Variants in SPATA20 observed in about 807,000 individuals in gnomAD.
The protein encoded by SPATA20 is spermatogenesis associated 20.
SPATA20 carries 74 observed loss-of-function variants against 98.9 expected under a neutral mutation model. The ratio of observed to expected loss-of-function variants is 0.75; its 90% CI spans 0.62 to 0.91. SPATA20 has a LOEUF of 0.91. Among genes scored for constraint, SPATA20 ranks in the 40% least tolerant of loss-of-function variants. SPATA20 has a pLI of 0.00. For synonymous variants in SPATA20, 430 were observed against 440.5 expected (o/e 0.98, Z 0.30); for missense variants, 1,016 against 1,069.8 (o/e 0.95, Z 0.70).
chr17:50,555,665 GCCCCAAC>G lies in SPATA20; in HGVS notation c.*8_*14del. ...TACGAAAACTACTACATCCATGACT[GCCCCAAC>G]CCCCTTGGGGTGGGGCAGAAGGTGA... On this transcript the variant is annotated 3_prime_UTR_variant, in exon 17 of 17. Coordinates refer to ENST00000006658, the MANE Select transcript of SPATA20 (RefSeq NM_022827.4). The G allele has an allele frequency of 6.2e-7, 1 of 1,613,062 alleles. No homozygotes were observed. Among genetic ancestry groups the G allele is most frequent in the Non-Finnish European group, 8.5e-7 (1 of 1,179,618 alleles).
In SPATA20 at chr17:50,551,978, C is replaced by T; in HGVS notation, c.1755C>T (p.Pro585=). ...AATGCCTGTCCCCCAGCAACCCACC[C>T]TGCTGGGGCTTCCTGGAGGACTACG... is the stretch of plus-strand genomic sequence containing the variant. ...PGGTVEHSNP[P]CWGFLEDYAF... Residue 585 remains proline (P), a synonymous_variant, in exon 14 of 17, where the codon CCC becomes CCT. Coordinates refer to ENST00000006658, the MANE Select transcript of SPATA20 (RefSeq NM_022827.4). 1 of 1,599,086 alleles carries T rather than the reference C, an allele frequency of 6.3e-7. No individual in the cohort carries two copies. Among genetic ancestry groups the T allele is most frequent in the Non-Finnish European group, 8.5e-7 (1 of 1,172,512 alleles).
rs1251245889 is a variant in SPATA20, at chr17:50,548,537, C to G, written c.297-17C>G. 1.2e-6 allele frequency: 2 copies of G among 1,613,360 alleles called. No homozygotes were observed. Among genetic ancestry groups the G allele is most frequent in the Non-Finnish European group, 1.7e-6 (2 of 1,179,708 alleles). ...CCCCCTGGGCTACTGAGTGATGCCC[C>G]ACCCTGCTGGGTCTAGGTACCCCTG... On this transcript the variant is annotated splice_polypyrimidine_tract_variant and intron_variant, in intron 3 of 16. Transcript: ENST00000006658.
intron 13 of SPATA20, 121 bp from the exon 14 acceptor site, chr17:50,551,848 C>A: frequency 1.7e-6 from 2 of 1,200,702 alleles, no homozygotes; most frequent in Non-Finnish European, 2.3e-6. Flanking sequence ...GGGCTGATGG[C>A]ACCTGCCCAA....
rs1303842730 is a variant in SPATA20 at position 50,551,194 on chromosome 17, G to A, written c.1576+4G>A. 6.2e-7 allele frequency: 1 copy of A among 1,606,460 alleles called. No homozygotes were observed. Among genetic ancestry groups the A allele is most frequent in the Non-Finnish European group, 8.5e-7 (1 of 1,176,798 alleles). ...AAGATGCTGGCTGCCTGGAATGGTG[G>A]GGCAGCACACCTGAGACCGAGCCTG... On this transcript the variant is annotated splice_donor_region_variant and intron_variant, in intron 12 of 16. Coordinates refer to ENST00000006658, the MANE Select transcript of SPATA20 (RefSeq NM_022827.4).
chr17:50,547,564 C>T, intron 1 of SPATA20, 156 bp from the exon 2 acceptor site: 1 of 706,084 alleles, frequency 1.4e-6, no homozygotes. Flanking sequence ...GGAAGCCTTC[C>T]TTGCACCCCA....
intron 11 of SPATA20, 30 bp downstream of exon 11, chr17:50,550,947 C>A: frequency 6.2e-7 from 1 of 1,611,356 alleles, no homozygotes; most frequent in Non-Finnish European, 8.5e-7. Context: ...CCTGACGGGC[C>A]CTGGTGCCTG....
rs765567029 is a variant in SPATA20, at chr17:50,554,377, G to A, written c.2084G>A (p.Arg695His). Residue 695 changes from arginine to histidine, a missense_variant, in exon 15 of 17, where the codon CGC (arginine) becomes CAC (histidine). By Grantham distance (29) the Arg-to-His change is conservative. Transcript: ENST00000006658. ...TGCCTATTGACCGCCTTTTCCGAGC[G>A]CATGCGTCGTGTCCCGGTGGCGTTG... ...CVCLLTAFSE[R>H]MRRVPVALPE... 54 of 1,613,968 alleles carry A rather than the reference G, an allele frequency of 3.3e-5. No individual in the cohort carries two copies. In the East Asian group the frequency reaches 6.0e-4, roughly 18 times the overall value.
At chr17:50,549,540 C>T (rs2034976579) in intron 7 of SPATA20, 53 bp downstream of exon 7, 1 of 1,554,432 alleles carries the variant, frequency 6.4e-7, no homozygotes, top group Non-Finnish European at 8.7e-7. Context: ...GATTCCTATG[C>T]TGGTCAGGGA....
intron 16 of SPATA20, 44 bp from the exon 17 acceptor site, chr17:50,555,448 C>T: frequency 6.2e-7 from 1 of 1,609,678 alleles, no homozygotes; most frequent in East Asian, 2.2e-5. Flanking sequence ...GGGCAGGTGA[C>T]CCCACCCCGG....
chr17:50,550,243 C>A lies in SPATA20; in HGVS notation c.1029C>A (p.His343Gln), dbSNP rs1158143402. 6.2e-7 allele frequency: 1 copy of A among 1,611,346 alleles called. No homozygotes were observed. Among genetic ancestry groups the A allele is most frequent in the East Asian group, 2.2e-5 (1 of 44,812 alleles). ...GCTACTCCACAGACCGCCAGTGGCACGTCCCTCACTTTGAGAAGATGCTCT... is the reference window on the plus strand; with the variant it reads ...GCTACTCCACAGACCGCCAGTGGCAAGTCCCTCACTTTGAGAAGATGCTCT... ...FHRYSTDRQW[H>Q]VPHFEKMLYD... The change falls in exon 9 of 17, where the codon CAC (histidine) becomes CAA (glutamine). Residue 343 changes from histidine (H) to glutamine (Q), a missense_variant. Transcript: ENST00000006658.
rs773606897 is a variant in SPATA20 at position 50,554,265 on chromosome 17, G to C, written c.1972G>C (p.Glu658Gln). Reference protein sequence around the residue: ...LRLKDDQDGAEPSANSVSAHN... With the variant: ...LRLKDDQDGAQPSANSVSAHN... ...ATGTGCTGTAGACCAGGATGGAGCA[G>C]AGCCCAGCGCCAATTCCGTGTCAGC... The change falls in exon 15 of 17, where the codon GAG (glutamate) becomes CAG (glutamine). Residue 658 changes from glutamate to glutamine, a missense_variant. Glu to Gln is a conservative substitution (Grantham distance 29, BLOSUM62 2). Coordinates refer to ENST00000006658, the MANE Select transcript of SPATA20 (RefSeq NM_022827.4). 5.6e-6 allele frequency: 9 copies of C among 1,614,006 alleles called. No individual in the cohort carries two copies. The Admixed American group carries it at 1.2e-4, about 21-fold the overall frequency.
At position 50,548,404 on chromosome 17, in the gene SPATA20, C is replaced by G. The variant is rs765679493; in HGVS notation, c.247C>G (p.His83Asp). 22 of 1,614,024 alleles carry G rather than the reference C, an allele frequency of 1.4e-5. No homozygotes were observed. Among genetic ancestry groups the G allele is most frequent in the Non-Finnish European group, 1.9e-5 (22 of 1,179,976 alleles). The change falls in exon 3 of 17, where the codon CAC becomes GAC. Residue 83 changes from histidine (H) to aspartate (D), a missense_variant. Transcript: ENST00000006658. ...TPQRVPNRLI[H>D]EKSPYLLQHA... Reference sequence around the variant, plus strand: ...CCAGAGGGTCCCCAACCGCCTGATCCACGAGAAGTCACCATACCTCCTACA... The same window carrying G: ...CCAGAGGGTCCCCAACCGCCTGATCGACGAGAAGTCACCATACCTCCTACA...
Position 50,552,185 on chromosome 17 carries a change from G to GAC in SPATA20, c.1957+5_1957+6insAC. 6.2e-7 allele frequency: 1 copy of GAC among 1,613,206 alleles called. No homozygotes were observed. The highest frequency in any genetic ancestry group is 8.5e-7 in the Non-Finnish European group (1 of 1,179,788). ...TGCCCCTGCGTCTGAAGGACGGTCA[G>GAC]TGGGGGTGCAGGGCTAGTCTGGGGT... On this transcript the variant is annotated splice_donor_region_variant and intron_variant, in intron 14 of 16. Transcript: ENST00000006658.
At chr17:50,552,440 A>G (rs1228185584) in intron 14 of SPATA20, among the ~76,000 whole-genome samples, 1 of 151,766 alleles carries the variant, frequency 6.6e-6, no homozygotes, top group Non-Finnish European at 1.5e-5. Flanking sequence ...TGCTGGGATT[A>G]CAGGCATGAA....
rs1597875804 is a variant in SPATA20, at chr17:50,555,667, C to T, written c.*5C>T. On this transcript the variant is annotated 3_prime_UTR_variant, in exon 17 of 17. Coordinates refer to ENST00000006658, the MANE Select transcript of SPATA20 (RefSeq NM_022827.4). Reference sequence around the variant, plus strand: ...CGAAAACTACTACATCCATGACTGCCCCAACCCCCTTGGGGTGGGGCAGAA... The same window carrying T: ...CGAAAACTACTACATCCATGACTGCTCCAACCCCCTTGGGGTGGGGCAGAA... 6.2e-7 allele frequency: 1 copy of T among 1,613,044 alleles called. No individual in the cohort carries two copies.
At chr17:50,549,764 G>A (rs779665884) in intron 7 of SPATA20, among the ~76,000 whole-genome samples, 1 of 152,212 alleles carries the variant, frequency 6.6e-6, no homozygotes, top group Non-Finnish European at 1.5e-5. Context: ...GCTCTAGGGG[G>A]ACAAGTAACT....
chr17:50,548,645 G>A, intron 4 of SPATA20, 27 bp downstream of exon 4: 3 of 1,609,832 alleles, frequency 1.9e-6, no homozygotes, highest in Non-Finnish European at 1.7e-6. Flanking sequence ...CCCTGATGTG[G>A]GGGTGTGGGC....
At chr17:50,548,091 C>T in intron 2 of SPATA20, 192 bp from the exon 3 acceptor site, 2 of 1,505,058 alleles carry the variant, frequency 1.3e-6, no homozygotes, top group Non-Finnish European at 1.8e-6. Context: ...CCCAATGAGC[C>T]ACCTCTCCTC....
chr17:50,548,190 C>G (rs901205352), intron 2 of SPATA20, 93 bp from the exon 3 acceptor site: 6 of 1,527,108 alleles, frequency 3.9e-6, no homozygotes, highest in Non-Finnish European at 4.4e-6. Context: ...AGGGGTCCTA[C>G]TGGGGTGCTG....
Sources: allele counts gnomAD v4.1 joint callset (sites outside exome capture counted in the v4.1 genomes callset), GRCh38; gene constraint gnomAD v4.1.1; transcripts MANE v1.5; gene names NCBI Gene and HGNC (gene_info 2026-07-23, HGNC 2026-07-21).